The following TBC1D22A variants were observed in gnomAD, a reference collection of about 807,000 sequenced individuals.
TBC1D22A encodes the protein putative GTPase activator.
TBC1D22A carries 38 observed loss-of-function variants against 60.2 expected under a neutral mutation model. The ratio of observed to expected loss-of-function variants is 0.63; its 90% CI spans 0.49 to 0.83. The LOEUF (loss-of-function observed/expected upper bound fraction) is 0.83. Ranked by LOEUF, TBC1D22A falls within the 40% of genes least tolerant of loss-of-function variation. The pLI is 0.00. For missense variants in TBC1D22A, 628 were observed against 701.0 expected (o/e 0.90, Z 1.18); for synonymous variants, 302 against 281.7 (o/e 1.07, Z -0.72).
At chr22:47,077,440 T>C in intron 11 of TBC1D22A, among the ~76,000 whole-genome samples, 1 of 152,226 alleles carries the variant, frequency 6.6e-6, no homozygotes, top group East Asian at 1.9e-4. Flanking sequence ...TTGTCTGCAG[T>C]ACTTATCTTT....
chr22:47,106,259 G>T (rs1014997580), intron 11 of TBC1D22A, among the ~76,000 whole-genome samples: 5 of 152,226 alleles, frequency 3.3e-5, no homozygotes, highest in African/African-American at 7.2e-5. Flanking sequence ...ATGGATGTTT[G>T]ATAGGAGATA....
chr22:47,113,557 C>T (rs2065925193), intron 12 of TBC1D22A, among the ~76,000 whole-genome samples: 1 of 152,210 alleles, frequency 6.6e-6, no homozygotes, highest in African/African-American at 2.4e-5. Context: ...CTAAGCCACA[C>T]ATATGCGAGG....
chr22:46,807,757 A>C (rs1336193807), intron 4 of TBC1D22A, among the ~76,000 whole-genome samples: 1 of 152,180 alleles, frequency 6.6e-6, no homozygotes, highest in East Asian at 1.9e-4. Flanking sequence ...GCTTCTTTGC[A>C]TTGCACACTG....
chr22:47,080,497 C>T (rs2064417851), intron 11 of TBC1D22A, among the ~76,000 whole-genome samples: 1 of 151,976 alleles, frequency 6.6e-6, no homozygotes. Context: ...TTTAAATAAT[C>T]CGCGATTCAA....
At chr22:47,093,407 T>G (rs1603260442) in intron 11 of TBC1D22A, among the ~76,000 whole-genome samples, 1 of 152,240 alleles carries the variant, frequency 6.6e-6, no homozygotes, top group East Asian at 1.9e-4. Flanking sequence ...TTTTCTGGTT[T>G]AAGGATCCTT....
chr22:46,910,645 G>A (rs1602439258), intron 7 of TBC1D22A, among the ~76,000 whole-genome samples: 2 of 152,138 alleles, frequency 1.3e-5, no homozygotes, highest in East Asian at 1.9e-4. Context: ...GAGAGGAGTG[G>A]GAACTAGAGG....
chr22:47,014,198 G>A (rs999521002), intron 10 of TBC1D22A, among the ~76,000 whole-genome samples: 1 of 152,172 alleles, frequency 6.6e-6, no homozygotes, highest in Non-Finnish European at 1.5e-5. Context: ...GCGGTGGCCC[G>A]GGCTTTTGCT....
intron 9 of TBC1D22A, among the ~76,000 whole-genome samples, chr22:46,978,733 C>T (rs1167136744): frequency 1.3e-5 from 2 of 152,074 alleles, no homozygotes; most frequent in Admixed American, 6.5e-5. Flanking sequence ...CTCAGCCTCC[C>T]GAGTAGCTGG....
At chr22:46,908,700 C>T (rs1303595682) in intron 7 of TBC1D22A, among the ~76,000 whole-genome samples, 1 of 152,112 alleles carries the variant, frequency 6.6e-6, no homozygotes, top group Non-Finnish European at 1.5e-5. Flanking sequence ...GGCCCTCTGT[C>T]CTGACTTGGA....
intron 1 of TBC1D22A, among the ~76,000 whole-genome samples, chr22:46,788,384 CTAT>C (rs1333084086): frequency 1.5e-4 from 23 of 152,340 alleles, no homozygotes; most frequent in African/African-American, 5.1e-4. Context: ...TTAGCTACTA[CTAT>C]TATTCTCTAT....
chr22:47,068,964 T>A (rs755062656), intron 11 of TBC1D22A, among the ~76,000 whole-genome samples: 9 of 152,222 alleles, frequency 5.9e-5, no homozygotes, highest in Non-Finnish European at 1.2e-4. Flanking sequence ...TTAGACATAT[T>A]ATTTGTGACT....
chr22:46,935,135 A>C (rs553963439), intron 8 of TBC1D22A, among the ~76,000 whole-genome samples: 4 of 152,240 alleles, frequency 2.6e-5, no homozygotes, highest in Non-Finnish European at 5.9e-5. Flanking sequence ...CAAGCAATGA[A>C]GGCATCAGTA....
chr22:47,076,380 TACACACACACAC>T lies in TBC1D22A; in HGVS notation c.1330-35110_1330-35099del, dbSNP rs1183466938. 1.2e-3 allele frequency among the ~76,000 whole-genome samples: 149 copies of T among 124,536 alleles called. 1 individual carries two copies. Among genetic ancestry groups the T allele is most frequent in the Middle Eastern group, 4.3e-3 (1 of 234 alleles). 81.7% of individuals were successfully genotyped at this position (124,536 alleles called of 152,430 possible). A position where few individuals can be genotyped will look rare whatever the true frequency, so the allele number is the denominator to read the frequency against. On this transcript the variant is annotated intron_variant, in intron 11 of 12. Transcript: ENST00000337137. ...GTGTGTGTATATATATATATATATATACACACACACACACACACACACACACACATATATATA... is the reference window on the plus strand; with the variant it reads ...GTGTGTGTATATATATATATATATATACACACACACACACACATATATATA...
At chr22:47,019,295 C>T (rs2062002319) in intron 10 of TBC1D22A, among the ~76,000 whole-genome samples, 1 of 152,252 alleles carries the variant, frequency 6.6e-6, no homozygotes, top group Non-Finnish European at 1.5e-5. Flanking sequence ...AACACCCTCA[C>T]ACTTCAGCAA....
chr22:46,789,187 G>A lies in TBC1D22A; in HGVS notation c.63-3333G>A, dbSNP rs143938308. The A allele has an allele frequency of 9.6e-3, 1,527 of 159,422 alleles. 22 individuals carry two copies. The highest frequency in any genetic ancestry group is 0.036 in the African/African-American group (1,456 of 40,276). The allele number at this position is 159,422 out of a possible 1,614,324, so 9.9% of individuals were successfully genotyped here. On this transcript the variant is annotated intron_variant, in intron 1 of 12. Coordinates refer to ENST00000337137, the MANE Select transcript of TBC1D22A (RefSeq NM_014346.5). ...GTCGCCTAGGCTGGAGTGCAGTGGC[G>A]CAATCTCGGCTCACTACAAGCTCTG...
chr22:46,817,392 C>G (rs2085649251), intron 4 of TBC1D22A, among the ~76,000 whole-genome samples: 1 of 152,024 alleles, frequency 6.6e-6, no homozygotes, highest in Non-Finnish European at 1.5e-5. Context: ...GACCTGTCCT[C>G]TAAATTCCCT....
intron 8 of TBC1D22A, among the ~76,000 whole-genome samples, chr22:46,942,079 C>T (rs2072207140): frequency 6.7e-6 from 1 of 149,472 alleles, no homozygotes; most frequent in Admixed American, 6.7e-5. Flanking sequence ...GCCTGGGGCA[C>T]TAGCATACGT....
intron 8 of TBC1D22A, among the ~76,000 whole-genome samples, chr22:46,965,507 CA>C (rs1381935511): frequency 6.6e-6 from 1 of 152,230 alleles, no homozygotes; most frequent in Non-Finnish European, 1.5e-5. Flanking sequence ...GATTGTTTTG[CA>C]GAATGCATTC....
At chr22:47,087,582 A>T (rs2064748875) in intron 11 of TBC1D22A, among the ~76,000 whole-genome samples, 1 of 152,240 alleles carries the variant, frequency 6.6e-6, no homozygotes. Flanking sequence ...GATTGTTGGT[A>T]ATATTATTAG....
Sources: allele counts gnomAD v4.1 joint callset (sites outside exome capture counted in the v4.1 genomes callset), GRCh38; gene constraint gnomAD v4.1.1; transcripts MANE v1.5; gene names NCBI Gene and HGNC (gene_info 2026-07-23, HGNC 2026-07-21).